The following HDAC9 variants were observed in gnomAD, a reference collection of about 807,000 sequenced individuals.
The protein encoded by HDAC9 is MEF-2 interacting transcription repressor (MITR) protein.
Under a neutral mutation model 139.4 loss-of-function variants are expected in HDAC9, and 41 were observed. The observed-to-expected ratio is 0.29, with a 90% CI of 0.23 to 0.38. The LOEUF is 0.38. Among genes scored for constraint, HDAC9 ranks in the 10% least tolerant of loss-of-function variants. The pLI is 1.00. For missense variants in HDAC9, 1,147 were observed against 1,297.0 expected (o/e 0.88, Z 1.78); for synonymous variants, 517 against 476.2 (o/e 1.09, Z -1.12).
At chr7:18,895,687 A>C (rs11764843) in intron 22 of HDAC9, among the ~76,000 whole-genome samples, 71,140 of 151,944 alleles carry the variant, frequency 0.47, 19,673 homozygotes, top group South Asian at 0.65. Context: ...GAGATTTAAA[A>C]ATAAAAAACA....
intron 21 of HDAC9, among the ~76,000 whole-genome samples, chr7:18,849,376 T>C (rs1797120362): frequency 6.6e-6 from 1 of 152,032 alleles, no homozygotes; most frequent in Non-Finnish European, 1.5e-5. Flanking sequence ...CAGTTTCCTT[T>C]GCTATGACTA....
At chr7:18,741,374 G>A (rs1178152) in intron 13 of HDAC9, among the ~76,000 whole-genome samples, 35,922 of 152,058 alleles carry the variant, frequency 0.24, 4,582 homozygotes, top group East Asian at 0.53. Context: ...ATTATGCTAA[G>A]TCTACTCTAC....
chr7:18,165,265 G>A (rs904291315), intron 2 of HDAC9, among the ~76,000 whole-genome samples: 13 of 152,150 alleles, frequency 8.5e-5, no homozygotes, highest in African/African-American at 2.7e-4. Context: ...AAAGAGTATC[G>A]TGTGGTAGCC....
At position 18,604,932 on chromosome 7, in the gene HDAC9, T is replaced by A. The variant is rs568718018; in HGVS notation, c.664+10903T>A. On this transcript the variant is annotated intron_variant, in intron 6 of 25. Transcript: ENST00000686413. ...TGATGTTTGCTTTGTCTCTTCTGAT[T>A]GTTTTTCTTGCCTTTTAGGATGCTT... 1.9e-4 allele frequency among the ~76,000 whole-genome samples: 29 copies of A among 152,342 alleles called. No homozygotes were observed. In the South Asian group the frequency reaches 5.6e-3, roughly 29 times the overall value.
chr7:18,735,666 C>T (rs527305533), intron 13 of HDAC9, among the ~76,000 whole-genome samples: 2 of 152,254 alleles, frequency 1.3e-5, no homozygotes, highest in Middle Eastern at 3.4e-3. Context: ...AGTCAGGTAG[C>T]ATCATGCCTC....
intron 1 of HDAC9, among the ~76,000 whole-genome samples, chr7:18,101,701 T>G (rs1782872604): frequency 6.6e-6 from 1 of 152,236 alleles, no homozygotes; most frequent in Non-Finnish European, 1.5e-5. Flanking sequence ...CACAGTTATA[T>G]TCTATATCAT....
chr7:18,202,925 G>A lies in HDAC9; in HGVS notation c.25+40576G>A, dbSNP rs535585113. ...TTTCAGTTTGCTCATCTGCACAATG[G>A]GCATACTAATTAAGATATCTACCTC... On this transcript the variant is annotated intron_variant, in intron 2 of 12. Coordinates refer to the HDAC9 transcript ENST00000417496. Among the ~76,000 whole-genome samples, 7 of 152,144 alleles carry A rather than the reference G, an allele frequency of 4.6e-5. No individual in the cohort carries two copies. In the South Asian group the frequency reaches 1.5e-3, roughly 32 times the overall value.
chr7:18,748,784 G>A (rs755650074), intron 13 of HDAC9, among the ~76,000 whole-genome samples: 8 of 152,304 alleles, frequency 5.3e-5, no homozygotes, highest in Non-Finnish European at 1.5e-5. Context: ...TAGGGTCTGA[G>A]TACTGGTTAA....
intron 21 of HDAC9, among the ~76,000 whole-genome samples, chr7:18,859,471 T>C (rs886713432): frequency 6.6e-6 from 1 of 151,862 alleles, no homozygotes; most frequent in African/African-American, 2.4e-5. Flanking sequence ...TCTTTCTGGC[T>C]ATGCCTCAGG....
intron 16 of HDAC9, 63 bp downstream of exon 16, chr7:18,767,218 AT>A: frequency 1.1e-6 from 1 of 939,276 alleles, no homozygotes; most frequent in Non-Finnish European, 1.6e-6. Context: ...ATCTTTTTTG[AT>A]TTATCTATTC....
intron 16 of HDAC9, among the ~76,000 whole-genome samples, chr7:18,783,710 T>C (rs911007243): frequency 2.0e-5 from 3 of 151,702 alleles, no homozygotes; most frequent in Non-Finnish European, 2.9e-5. Flanking sequence ...TCAAACTTTG[T>C]GTGAAAATAA....
At chr7:18,393,680 A>G (rs570345745) in intron 1 of HDAC9, among the ~76,000 whole-genome samples, 12 of 152,106 alleles carry the variant, frequency 7.9e-5, no homozygotes, top group Non-Finnish European at 1.3e-4. Flanking sequence ...CCCATTTCCC[A>G]TTCCTGCTAC....
chr7:18,499,916 T>G (rs1056585485), intron 2 of HDAC9, among the ~76,000 whole-genome samples: 16 of 152,154 alleles, frequency 1.1e-4, no homozygotes, highest in Non-Finnish European at 7.4e-5. Context: ...TTATGTCTAC[T>G]TGAAAAGCAG....
intron 21 of HDAC9, among the ~76,000 whole-genome samples, chr7:18,859,311 G>GT (rs1221265275): frequency 6.6e-6 from 1 of 151,952 alleles, no homozygotes; most frequent in Non-Finnish European, 1.5e-5. Flanking sequence ...TATTTTTTTA[G>GT]TTTTGGAATT....
rs576232569 is a variant in HDAC9 at position 18,596,840 on chromosome 7, A to T, written c.664+2811A>T. Among the ~76,000 whole-genome samples the T allele has an allele frequency of 5.9e-5, 9 of 152,262 alleles. No homozygotes were observed. The South Asian group carries it at 1.9e-3, about 32-fold the overall frequency. ...TATGATACTATTTTAGTTTCTTTTAAATCTACATCAGCAATATGTATTAGC... is the reference window on the plus strand; with the variant it reads ...TATGATACTATTTTAGTTTCTTTTATATCTACATCAGCAATATGTATTAGC... On this transcript the variant is annotated intron_variant, in intron 6 of 25. Coordinates refer to ENST00000686413, the MANE Select transcript of HDAC9 (RefSeq NM_178425.4).
At chr7:18,828,526 G>A (rs1411991074) in intron 17 of HDAC9, among the ~76,000 whole-genome samples, 2 of 152,170 alleles carry the variant, frequency 1.3e-5, no homozygotes, top group African/African-American at 4.8e-5. Context: ...ATTCCAGAAT[G>A]CAGGCTAGAA....
intron 22 of HDAC9, among the ~76,000 whole-genome samples, chr7:18,920,106 A>C (rs1372579603): frequency 6.6e-6 from 1 of 152,080 alleles, no homozygotes; most frequent in Non-Finnish European, 1.5e-5. Flanking sequence ...CATTTTCACA[A>C]GATTGATTCT....
At chr7:18,980,723 CTTCCTTCTT>C (rs1332880083) in intron 25 of HDAC9, among the ~76,000 whole-genome samples, 6 of 146,810 alleles carry the variant, frequency 4.1e-5, no homozygotes, top group African/African-American at 1.5e-4. Flanking sequence ...TCCTCTTCTT[CTTCCTTCTT>C]CTTCTTCTTC....
At chr7:18,565,184 C>T (rs568309373) in intron 2 of HDAC9, among the ~76,000 whole-genome samples, 6 of 152,028 alleles carry the variant, frequency 3.9e-5, no homozygotes, top group Admixed American at 2.6e-4. Flanking sequence ...TTAGTACAGA[C>T]GGGGTTTCTC....
Sources: gnomAD v4.1 joint callset for allele counts (sites outside exome capture counted in the v4.1 genomes callset) on GRCh38, gnomAD v4.1.1 for gene constraint, MANE v1.5 for transcripts, NCBI Gene and HGNC (gene_info 2026-07-23, HGNC 2026-07-21) for gene names.